Variants in SAA2 observed in about 807,000 individuals in gnomAD.
The protein encoded by SAA2 is serum amyloid A2, also known as serum amyloid A-2 protein.
SAA2 carries 5 observed loss-of-function variants against 9.1 expected under a neutral mutation model. That is an observed-to-expected ratio of 0.55 (90% CI 0.29 to 1.16). The LOEUF (loss-of-function observed/expected upper bound fraction) is 1.16. Ranked by LOEUF, SAA2 falls within the 50% of genes most tolerant of loss-of-function variation. The pLI is 0.09. For synonymous variants in SAA2, 49 were observed against 59.8 expected, an observed-to-expected ratio of 0.82 and a Z score of 0.83; for missense variants, 94 against 153.8, an observed-to-expected ratio of 0.61 and a Z score of 2.06.
rs139325518 is a variant in SAA2, at chr11:18,246,518, G to A, written c.92-470C>T. 1.1e-4 allele frequency among the ~76,000 whole-genome samples: 17 copies of A among 152,316 alleles called. No homozygotes were observed. The East Asian group carries it at 1.3e-3, about 12-fold the overall frequency. ...AGCAATAGAGCAGCGGTTCTCCGCC[G>A]TGGTTGCACTTTCTTTTTCTTTTTT... On this transcript the variant is annotated intron_variant, in intron 2 of 3. Coordinates refer to ENST00000256733, the MANE Select transcript of SAA2 (RefSeq NM_030754.5).
chr11:18,242,492 C>T (rs988360719), downstream of SAA2: 1 of 411,116 alleles, frequency 2.4e-6, no homozygotes, highest in Non-Finnish European at 4.3e-6. Context: ...CTGGAAACAC[C>T]CTCACAGACG....
At chr11:18,240,141 T>A in intron 3 of SAA2, 1 of 848,032 alleles carries the variant, frequency 1.2e-6, no homozygotes, top group Non-Finnish European at 1.9e-6. Flanking sequence ...TTTGAAGTCA[T>A]AAATGATTAT....
chr11:18,240,418 T>C (rs1220781449), downstream of SAA2: 10 of 646,778 alleles, frequency 1.5e-5, no homozygotes, highest in South Asian at 3.6e-5. Flanking sequence ...CAAAGGCCTT[T>C]AAAATAATCA....
downstream of SAA2, among the ~76,000 whole-genome samples, chr11:18,240,845 C>T (rs1487148700): frequency 2.0e-5 from 3 of 151,984 alleles, no homozygotes; most frequent in African/African-American, 7.2e-5. Context: ...AAAGCAAATG[C>T]AGCAAAAAAA....
chr11:18,246,489 A>T (rs979852527), intron 2 of SAA2, among the ~76,000 whole-genome samples: 1 of 152,232 alleles, frequency 6.6e-6, no homozygotes, highest in African/African-American at 2.4e-5. Flanking sequence ...GGGTTGCTTG[A>T]GGAAGCAATA....
chr11:18,245,351 T>A lies in SAA2; in HGVS notation c.*26A>T, dbSNP rs1051715003. On this transcript the variant is annotated 3_prime_UTR_variant, in exon 4 of 4. Transcript: ENST00000256733. Reference sequence around the variant, plus strand: ...GCCCCGAGGGCCTCATAGCCAGGTCTCCTGAGAGCAGAGTGAAGAGGAAGC... The same window carrying A: ...GCCCCGAGGGCCTCATAGCCAGGTCACCTGAGAGCAGAGTGAAGAGGAAGC... 4 of 1,613,500 alleles carry A rather than the reference T, an allele frequency of 2.5e-6. No homozygotes were observed. In the African/African-American group the frequency reaches 5.3e-5, roughly 21 times the overall value.
At chr11:18,245,639 G>A (rs1857488518) in intron 3 of SAA2, 124 bp from the exon 4 acceptor site, 15 of 1,416,648 alleles carry the variant, frequency 1.1e-5, no homozygotes, top group Middle Eastern at 1.8e-4. Context: ...GGAAGGAGGA[G>A]TGAAAACACT....
chr11:18,243,948 G>A (rs1857421570), downstream of SAA2, among the ~76,000 whole-genome samples: 1 of 152,292 alleles, frequency 6.6e-6, no homozygotes, highest in South Asian at 2.1e-4. Flanking sequence ...CCCATAGAGG[G>A]CGCTAGAGGG....
downstream of SAA2, chr11:18,242,640 G>A: frequency 1.7e-6 from 1 of 604,214 alleles, no homozygotes; most frequent in Non-Finnish European, 3.0e-6. Flanking sequence ...GAGCCCAGGA[G>A]TTCAAGACCA....
Position 18,245,273 on chromosome 11 carries a change from A to T in SAA2, c.*104T>A. Reference sequence around the variant, plus strand: ...CTTAAGCATTTATTAGATGCCTATTATATGCCATATCTCAGCTTCTCTGGA... The same window carrying T: ...CTTAAGCATTTATTAGATGCCTATTTTATGCCATATCTCAGCTTCTCTGGA... On this transcript the variant is annotated 3_prime_UTR_variant, in exon 4 of 4. Transcript: ENST00000256733. The T allele has an allele frequency of 6.5e-7, 1 of 1,546,212 alleles. No homozygotes were observed. Among genetic ancestry groups the T allele is most frequent in the Non-Finnish European group, 8.7e-7 (1 of 1,145,976 alleles).
downstream of SAA2, among the ~76,000 whole-genome samples, chr11:18,239,060 T>C (rs1233477607): frequency 6.6e-6 from 1 of 152,202 alleles, no homozygotes; most frequent in Non-Finnish European, 1.5e-5. Flanking sequence ...TTATTATCAT[T>C]TTCCTTATTT....
At chr11:18,244,035 T>C (rs1485452987), downstream of SAA2, among the ~76,000 whole-genome samples, 2 of 152,326 alleles carry the variant, frequency 1.3e-5, no homozygotes, top group African/African-American at 4.8e-5. Flanking sequence ...ACTCTTCTCC[T>C]GTACAGGACA....
At chr11:18,244,977 G>A (rs893145254), downstream of SAA2, among the ~76,000 whole-genome samples, 3 of 152,134 alleles carry the variant, frequency 2.0e-5, no homozygotes, top group Non-Finnish European at 4.4e-5. Flanking sequence ...GAAGGTAACA[G>A]GAAATAATTC....
downstream of SAA2, chr11:18,245,126 A>G: frequency 1.4e-6 from 1 of 707,282 alleles, no homozygotes; most frequent in Non-Finnish European, 2.2e-6. Flanking sequence ...ATGTCTCCTC[A>G]CATCCAAACA....
exon 4 of SAA2, chr11:18,239,806 G>C: frequency 9.8e-7 from 1 of 1,017,024 alleles, no homozygotes; most frequent in African/African-American, 1.7e-5. Context: ...TCCACATGCT[G>C]AGGGAGCTCA....
chr11:18,245,193 C>G (rs116374157), downstream of SAA2: 2,716 of 1,391,514 alleles, frequency 2.0e-3, 19 homozygotes, highest in African/African-American at 0.024. Flanking sequence ...CCCTTTTGTA[C>G]CAAACAGGCA....
chr11:18,242,863 CA>C (rs1857388785), downstream of SAA2: 1 of 699,128 alleles, frequency 1.4e-6, no homozygotes, highest in Non-Finnish European at 2.6e-6. Flanking sequence ...CGAAACAAAA[CA>C]AAACACAACT....
At chr11:18,240,178 T>C (rs1339725749) in intron 3 of SAA2, 1 of 727,962 alleles carries the variant, frequency 1.4e-6, no homozygotes, top group Non-Finnish European at 2.4e-6. Context: ...ACCTGGGGAA[T>C]AGAAATTAAC....
downstream of SAA2, among the ~76,000 whole-genome samples, chr11:18,243,140 T>C (rs886147576): frequency 1.3e-5 from 2 of 152,194 alleles, no homozygotes; most frequent in Non-Finnish European, 2.9e-5. Flanking sequence ...GAATTAAATT[T>C]TTTTTCAAAT....
Sources: allele counts gnomAD v4.1 joint callset (sites outside exome capture counted in the v4.1 genomes callset), GRCh38; gene constraint gnomAD v4.1.1; transcripts MANE v1.5; gene names NCBI Gene and HGNC (gene_info 2026-07-23, HGNC 2026-07-21).